The following SMIM14 variants were observed in gnomAD, a reference collection of about 807,000 sequenced individuals.
The protein encoded by SMIM14 is small integral membrane protein 14.
SMIM14 carries 5 observed loss-of-function variants against 12.6 expected under a neutral mutation model. The ratio of observed to expected loss-of-function variants is 0.40; its 90% CI spans 0.21 to 0.83. The LOEUF is 0.83. Ranked by LOEUF, SMIM14 falls within the 40% of genes least tolerant of loss-of-function variation. SMIM14 has a pLI of 0.37. For synonymous variants in SMIM14, 30 were observed against 40.1 expected, an observed-to-expected ratio of 0.75 and a Z score of 0.95; for missense variants, 86 against 119.1, an observed-to-expected ratio of 0.72 and a Z score of 1.29.
chr4:39,578,043 A>C (rs1713294471), intron 2 of SMIM14, among the ~76,000 whole-genome samples: 1 of 151,990 alleles, frequency 6.6e-6, no homozygotes, highest in Non-Finnish European at 1.5e-5. Flanking sequence ...ATGTATATTC[A>C]ATGTGTTGAA....
intron 1 of SMIM14, among the ~76,000 whole-genome samples, chr4:39,614,364 C>T (rs1035684720): frequency 1.3e-5 from 2 of 151,186 alleles, no homozygotes; most frequent in African/African-American, 4.9e-5. Context: ...TCTTGTTGCC[C>T]AAGGTGGAGT....
chr4:39,576,660 G>GTGTATATATATATATATATATATATATA (rs1339477098), intron 2 of SMIM14, among the ~76,000 whole-genome samples: 5 of 72,366 alleles, frequency 6.9e-5, no homozygotes, highest in East Asian at 4.6e-4. Flanking sequence ...GTGTGTATGT[G>GTGTATATATATATATATATATATATATA]TATATATATA....
In SMIM14 at chr4:39,546,900, A is replaced by G. The variant is rs1054826993; in HGVS notation, c.*5226T>C. ...GACACATTCTAGGTCACAGAACAGA[A>G]GCAAATTTTCACTTTTGTGTGTTTT... On this transcript the variant is annotated 3_prime_UTR_variant, in exon 5 of 5. Coordinates refer to ENST00000295958, the MANE Select transcript of SMIM14 (RefSeq NM_174921.3). The G allele has an allele frequency of 6.6e-6, 1 of 152,246 alleles. No homozygotes were observed. The highest frequency in any genetic ancestry group is 2.4e-5 in the African/African-American group (1 of 41,464). 9.4% of individuals were successfully genotyped at this position (152,246 alleles called of 1,614,324 possible).
chr4:39,629,596 C>T, intron 1 of SMIM14, among the ~76,000 whole-genome samples: 1 of 151,430 alleles, frequency 6.6e-6, no homozygotes, highest in Non-Finnish European at 1.5e-5. Context: ...GTGTGTGCCA[C>T]CACAATGGCT....
intron 1 of SMIM14, among the ~76,000 whole-genome samples, chr4:39,627,761 C>CTAAT (rs1351856085): frequency 6.6e-6 from 1 of 152,164 alleles, no homozygotes; most frequent in Non-Finnish European, 1.5e-5. Context: ...CTCTCACCTA[C>CTAAT]TAATGTCCTG....
intron 1 of SMIM14, among the ~76,000 whole-genome samples, chr4:39,628,110 C>T (rs1020237412): frequency 1.3e-5 from 2 of 151,874 alleles, no homozygotes; most frequent in Admixed American, 6.6e-5. Context: ...AATTCAAGAC[C>T]AGCCTGGCCA....
At position 39,554,830 on chromosome 4, in the gene SMIM14, ATTTTTTTTTTTTT is replaced by A. The variant is rs34845808; in HGVS notation, c.267+1585_267+1597del. ...TAGAGGTAACTGGCAAATTCATGGA[ATTTTTTTTTTTTT>A]TTTTTTTTTGAGACGAAGTTTCACT... On this transcript the variant is annotated intron_variant, in intron 4 of 4. Coordinates refer to ENST00000295958, the MANE Select transcript of SMIM14 (RefSeq NM_174921.3). 1.3e-4 allele frequency among the ~76,000 whole-genome samples: 16 copies of A among 123,992 alleles called. No individual in the cohort carries two copies. The East Asian group carries it at 4.0e-3, about 31-fold the overall frequency. The allele number at this position is 123,992 out of a possible 152,430, so 81.3% of individuals were successfully genotyped here.
intron 1 of SMIM14, among the ~76,000 whole-genome samples, chr4:39,623,305 A>C (rs778065705): frequency 6.6e-5 from 10 of 152,184 alleles, no homozygotes; most frequent in African/African-American, 1.2e-4. Flanking sequence ...TTTAGTGCTA[A>C]AAATTTCAAA....
At chr4:39,571,580 TA>T (rs931562582) in intron 3 of SMIM14, among the ~76,000 whole-genome samples, 13 of 151,288 alleles carry the variant, frequency 8.6e-5, no homozygotes, top group African/African-American at 1.2e-4. Context: ...CACTGTTTCT[TA>T]AAAAAAAATT....
intron 2 of SMIM14, among the ~76,000 whole-genome samples, chr4:39,602,085 T>TA (rs200193807): frequency 7.5e-4 from 103 of 137,402 alleles, no homozygotes; most frequent in African/African-American, 1.7e-3. Flanking sequence ...CCCACCTCTA[T>TA]AAAAAAAACA....
At chr4:39,559,448 G>C (rs981335495) in intron 3 of SMIM14, among the ~76,000 whole-genome samples, 1 of 152,012 alleles carries the variant, frequency 6.6e-6, no homozygotes, top group Non-Finnish European at 1.5e-5. Flanking sequence ...TAGATTTCTA[G>C]AGGAAAATGT....
At chr4:39,612,296 C>G (rs1298149527) in intron 1 of SMIM14, among the ~76,000 whole-genome samples, 3 of 151,940 alleles carry the variant, frequency 2.0e-5, no homozygotes, top group African/African-American at 7.3e-5. Context: ...CACTCGTTAC[C>G]CCAGTTGGAG....
At chr4:39,580,428 C>A (rs143355565) in intron 2 of SMIM14, among the ~76,000 whole-genome samples, 1 of 152,146 alleles carries the variant, frequency 6.6e-6, no homozygotes, top group Non-Finnish European at 1.5e-5. Context: ...AATCCTCCCA[C>A]CTTGGCCTCC....
chr4:39,577,464 G>C (rs1713265458), intron 2 of SMIM14, among the ~76,000 whole-genome samples: 1 of 145,480 alleles, frequency 6.9e-6, no homozygotes, highest in Non-Finnish European at 1.5e-5. Context: ...GTCTGACTCT[G>C]TCTCCCAGGC....
At chr4:39,575,875 G>A (rs1177742114) in intron 2 of SMIM14, among the ~76,000 whole-genome samples, 15 of 150,594 alleles carry the variant, frequency 1.0e-4, no homozygotes, top group Admixed American at 2.0e-4. Context: ...GATTACAGGC[G>A]TGAGCCACCA....
At position 39,632,405 on chromosome 4, in the gene SMIM14, G is replaced by A. The variant is rs542535984; in HGVS notation, c.-36+6334C>T. On this transcript the variant is annotated intron_variant, in intron 1 of 4. Transcript: ENST00000295958. The stretch of plus-strand genomic sequence containing the variant: ...TGAGGCTGGAGAATCACTTGAACCC[G>A]GGAGGCAGAGGTTGCAGTGAGCAGA... Among the ~76,000 whole-genome samples the A allele has an allele frequency of 1.5e-3, 227 of 149,476 alleles. 1 individual carries two copies. Among genetic ancestry groups the A allele is most frequent in the African/African-American group, 5.3e-3 (213 of 40,496 alleles).
chr4:39,583,955 A>G (rs1274569578), intron 2 of SMIM14: 1 of 152,148 alleles, frequency 6.6e-6, no homozygotes, highest in African/African-American at 2.4e-5. Flanking sequence ...TCCTCAGGGA[A>G]GAATTGCTAG....
chr4:39,619,286 C>A (rs1715352298), intron 1 of SMIM14, among the ~76,000 whole-genome samples: 7 of 80,642 alleles, frequency 8.7e-5, no homozygotes, highest in Admixed American at 1.6e-4. Flanking sequence ...TTCTATATAT[C>A]AATAAATATA....
In SMIM14 at chr4:39,547,223, T is replaced by C. The variant is rs1214648923; in HGVS notation, c.*4903A>G. On this transcript the variant is annotated 3_prime_UTR_variant, in exon 5 of 5. Coordinates refer to ENST00000295958, the MANE Select transcript of SMIM14 (RefSeq NM_174921.3). ...TAGGTCTTACAAAGAAACTGTTTAA[T>C]ACACAATGTTAACATCTACTAGGCA... 1 of 152,226 alleles carries C rather than the reference T, an allele frequency of 6.6e-6. No homozygotes were observed. Among genetic ancestry groups the C allele is most frequent in the South Asian group, 2.1e-4 (1 of 4,834 alleles). 9.4% of individuals were successfully genotyped at this position (152,226 alleles called of 1,614,324 possible).
Sources: allele counts gnomAD v4.1 joint callset (sites outside exome capture counted in the v4.1 genomes callset), GRCh38; gene constraint gnomAD v4.1.1; transcripts MANE v1.5; gene names NCBI Gene and HGNC (gene_info 2026-07-23, HGNC 2026-07-21).